Variants in MAPRE2 observed in about 807,000 individuals in gnomAD.
The protein encoded by MAPRE2 is microtubule associated protein RP/EB family member 2, also known as microtubule-associated protein RP/EB family member 2.
A neutral mutation model predicts 43.2 loss-of-function variants in MAPRE2; 13 were observed. That is an observed-to-expected ratio of 0.30 (90% CI 0.20 to 0.48). MAPRE2 has a LOEUF of 0.48. MAPRE2 is among the 20% of genes least tolerant of loss of function. MAPRE2 has a pLI of 0.99. For missense variants in MAPRE2, 161 were observed against 400.2 expected (o/e 0.40, Z 5.10); for synonymous variants, 135 against 148.8 (o/e 0.91, Z 0.68).
At chr18:35,128,462 T>C (rs1030124324) in intron 5 of MAPRE2, among the ~76,000 whole-genome samples, 1 of 152,176 alleles carries the variant, frequency 6.6e-6, no homozygotes, top group Non-Finnish European at 1.5e-5. Context: ...ATTGCAAATA[T>C]TCAAAATAAA....
Position 35,140,568 on chromosome 18 carries a change from C to A in MAPRE2, c.*199C>A. 1 of 566,226 alleles carries A rather than the reference C, an allele frequency of 1.8e-6. No homozygotes were observed. The highest frequency in any genetic ancestry group is 3.1e-6 in the Non-Finnish European group (1 of 317,690). 35.1% of individuals were successfully genotyped at this position (566,226 alleles called of 1,614,324 possible). On this transcript the variant is annotated 3_prime_UTR_variant, in exon 7 of 7. Transcript: ENST00000300249. The stretch of plus-strand genomic sequence containing the variant: ...GGTGTATTAGCGGACGGCCCTCTGG[C>A]CACCTACCCGAGAGATCGTAGGGTC...
At chr18:35,135,572 C>CT (rs1195908248) in intron 6 of MAPRE2, among the ~76,000 whole-genome samples, 11 of 152,202 alleles carry the variant, frequency 7.2e-5, no homozygotes, top group Admixed American at 7.2e-4. Flanking sequence ...CTGCCTTCCC[C>CT]TATGTCTATG....
chr18:34,980,202 T>A (rs1049381912), intron 1 of MAPRE2, among the ~76,000 whole-genome samples: 2 of 151,924 alleles, frequency 1.3e-5, no homozygotes, highest in African/African-American at 4.8e-5. Context: ...ATTTTTGTAT[T>A]TTTATAGAGA....
intron 2 of MAPRE2, chr18:35,082,150 C>A (rs1296350007): frequency 8.8e-6 from 1 of 113,226 alleles, no homozygotes; most frequent in Non-Finnish European, 1.6e-5. Context: ...ATTAGCCGGG[C>A]GTAGTGGCGG....
chr18:35,130,934 C>G (rs1465628584), intron 5 of MAPRE2, among the ~76,000 whole-genome samples: 1 of 152,100 alleles, frequency 6.6e-6, no homozygotes, highest in Non-Finnish European at 1.5e-5. Flanking sequence ...TGTTCTGTAG[C>G]CACCCTGAGA....
chr18:35,103,321 T>C (rs964981147), intron 4 of MAPRE2, among the ~76,000 whole-genome samples: 1 of 152,124 alleles, frequency 6.6e-6, no homozygotes, highest in Non-Finnish European at 1.5e-5. Flanking sequence ...GACTGGATGT[T>C]GGTAATGGCT....
chr18:35,091,655 G>A (rs1012797731), intron 2 of MAPRE2, among the ~76,000 whole-genome samples: 1 of 152,118 alleles, frequency 6.6e-6, no homozygotes, highest in African/African-American at 2.4e-5. Flanking sequence ...GCAGCAGATG[G>A]GTGGGCTCCT....
chr18:35,013,424 G>A (rs2097036065), intron 2 of MAPRE2, among the ~76,000 whole-genome samples: 1 of 152,132 alleles, frequency 6.6e-6, no homozygotes, highest in African/African-American at 2.4e-5. Flanking sequence ...ACATATTCAT[G>A]GGGTACATAG....
intron 2 of MAPRE2, among the ~76,000 whole-genome samples, chr18:35,016,791 A>G (rs892139986): frequency 1.3e-5 from 2 of 152,002 alleles, no homozygotes; most frequent in African/African-American, 4.8e-5. Flanking sequence ...TCTGCTGTGC[A>G]GAAGCTCTTT....
In MAPRE2 at chr18:35,142,553, C is replaced by A. The variant is rs1368707310; in HGVS notation, c.*2184C>A. The A allele has an allele frequency of 3.3e-5, 5 of 152,304 alleles. No individual in the cohort carries two copies. Among genetic ancestry groups the A allele is most frequent in the Admixed American group, 3.3e-4 (5 of 15,288 alleles). 9.4% of individuals were successfully genotyped at this position (152,304 alleles called of 1,614,324 possible). A position where few individuals can be genotyped will look rare whatever the true frequency, so the allele number is the denominator to read the frequency against. On this transcript the variant is annotated 3_prime_UTR_variant, in exon 7 of 7. Coordinates refer to ENST00000300249, the MANE Select transcript of MAPRE2 (RefSeq NM_014268.4). ...TCAGTTATAAACATGCTGGCCAGATCTCTTAGCCTGCAAAGAGAACTTTCC... is the reference window on the plus strand; with the variant it reads ...TCAGTTATAAACATGCTGGCCAGATATCTTAGCCTGCAAAGAGAACTTTCC...
At chr18:35,032,965 G>A (rs2150593130) in intron 2 of MAPRE2, among the ~76,000 whole-genome samples, 1 of 152,134 alleles carries the variant, frequency 6.6e-6, no homozygotes, top group African/African-American at 2.4e-5. Context: ...TTGCAGATAC[G>A]TTAGATACAC....
chr18:35,060,644 G>C (rs1769692301), intron 1 of MAPRE2, among the ~76,000 whole-genome samples: 2 of 152,164 alleles, frequency 1.3e-5, no homozygotes, highest in South Asian at 4.1e-4. Context: ...TTTCAGGGCT[G>C]TAGCTATTGA....
intron 1 of MAPRE2, among the ~76,000 whole-genome samples, chr18:34,983,046 C>T (rs1200607609): frequency 6.6e-6 from 1 of 152,134 alleles, no homozygotes; most frequent in Non-Finnish European, 1.5e-5. Context: ...CCCACAAAAC[C>T]TAAAATATTT....
At chr18:35,090,723 T>A (rs1190170311) in intron 2 of MAPRE2, among the ~76,000 whole-genome samples, 3 of 101,926 alleles carry the variant, frequency 2.9e-5, no homozygotes, top group African/African-American at 1.2e-4. Flanking sequence ...CAGAGCAAGA[T>A]TCGGTCTCAA....
intron 2 of MAPRE2, among the ~76,000 whole-genome samples, chr18:35,075,312 C>T (rs1047385005): frequency 6.6e-6 from 1 of 152,164 alleles, no homozygotes. Context: ...CCATTTTTGG[C>T]CGCAGATTTG....
intron 4 of MAPRE2, among the ~76,000 whole-genome samples, chr18:35,105,286 G>A (rs1304803562): frequency 6.6e-6 from 1 of 152,106 alleles, no homozygotes; most frequent in Non-Finnish European, 1.5e-5. Context: ...CTGAGACCAT[G>A]TTCCTGATAC....
intron 2 of MAPRE2, among the ~76,000 whole-genome samples, chr18:35,079,224 T>C (rs910750890): frequency 1.3e-5 from 2 of 152,238 alleles, no homozygotes; most frequent in African/African-American, 2.4e-5. Context: ...CTGAGAGAAC[T>C]ACACATCCTT....
At chr18:34,984,796 TTA>T (rs1486275276) in intron 1 of MAPRE2, among the ~76,000 whole-genome samples, 2 of 45,794 alleles carry the variant, frequency 4.4e-5, no homozygotes, top group African/African-American at 1.1e-4. Flanking sequence ...TAGTTATATA[TTA>T]TATAATTATA....
chr18:35,123,455 C>G (rs967352036), intron 4 of MAPRE2, among the ~76,000 whole-genome samples: 1 of 152,158 alleles, frequency 6.6e-6, no homozygotes, highest in Non-Finnish European at 1.5e-5. Context: ...TAGGGAAGCC[C>G]CCTCTGCAAG....
Sources: allele counts gnomAD v4.1 joint callset (sites outside exome capture counted in the v4.1 genomes callset), GRCh38; gene constraint gnomAD v4.1.1; transcripts MANE v1.5; gene names NCBI Gene and HGNC (gene_info 2026-07-23, HGNC 2026-07-21).